Variants in CACNA1H observed in about 807,000 individuals in gnomAD.
The protein encoded by CACNA1H is voltage-dependent T-type calcium channel subunit alpha-1H.
CACNA1H carries 149 observed loss-of-function variants against 192.5 expected under a neutral mutation model. The ratio of observed to expected loss-of-function variants is 0.77; its 90% confidence interval spans 0.68 to 0.89. The LOEUF (loss-of-function observed/expected upper bound fraction) is 0.89. Ranked by LOEUF, CACNA1H falls within the 40% of genes least tolerant of loss-of-function variation. CACNA1H has a pLI of 0.00. For synonymous variants in CACNA1H, 2,202 were observed against 1,475.2 expected, an observed-to-expected ratio of 1.49 and a Z score of -11.29; for missense variants, 4,257 against 3,423.5, an observed-to-expected ratio of 1.24 and a Z score of -6.08.
rs370007023 is a variant in CACNA1H, at chr16:1,201,724, C to T, written c.1274C>T (p.Thr425Met). 6 of 1,610,512 alleles carry T rather than the reference C, an allele frequency of 3.7e-6. No homozygotes were observed. The highest frequency in any genetic ancestry group is 2.2e-5 in the East Asian group (1 of 44,814). The change falls in exon 9 of 35, where the codon ACG becomes ATG. Residue 425 changes from threonine to methionine, a missense_variant. Coordinates refer to ENST00000348261, the MANE Select transcript of CACNA1H (RefSeq NM_021098.3). ...GTGATTGCCACGCAGTTCTCGGAGA[C>T]GAAGCAGCGGGAGAGTCAGCTGATG... The part of the protein sequence containing the change: ...LVVIATQFSE[T>M]KQRESQLMRE...
rs557498031 is a variant in CACNA1H, at chr16:1,193,748, A to G, written c.300-1224A>G. The stretch of plus-strand genomic sequence containing the variant: ...GCCTGGAGCCGTGGCACTGGCATCA[A>G]ATGCTGACCTGCTAGGAGGCTGGGC... On this transcript the variant is annotated intron_variant, in intron 2 of 34. Coordinates refer to ENST00000348261, the MANE Select transcript of CACNA1H (RefSeq NM_021098.3). 5.3e-5 allele frequency among the ~76,000 whole-genome samples: 8 copies of G among 152,000 alleles called. No homozygotes were observed. In the East Asian group the frequency reaches 1.2e-3, roughly 22 times the overall value.
At chr16:1,190,609 G>T (rs1291765250) in intron 2 of CACNA1H, among the ~76,000 whole-genome samples, 1 of 152,226 alleles carries the variant, frequency 6.6e-6, no homozygotes, top group South Asian at 2.1e-4. Context: ...CGCGCAATAC[G>T]CCTGCCTGTC....
chr16:1,205,191 G>A lies in CACNA1H; in HGVS notation c.2529G>A (p.Lys843=). Residue 843 remains lysine, a synonymous_variant, in exon 11 of 35, where the codon AAG becomes AAA. Transcript: ENST00000348261. ...TSMFALEMLL[K]LLACGPLGYI... ...TGTTTGCCCTGGAGATGCTGCTGAA[G>A]CTGCTGGCCTGCGGCCCTCTGGGCT... 1 of 1,613,132 alleles carries A rather than the reference G, an allele frequency of 6.2e-7. No homozygotes were observed.
At chr16:1,213,570 C>T (rs1035444709) in intron 26 of CACNA1H, among the ~76,000 whole-genome samples, 1 of 152,084 alleles carries the variant, frequency 6.6e-6, no homozygotes, top group African/African-American at 2.4e-5. Flanking sequence ...CTGCATCTCA[C>T]CTAGAACAGG....
chr16:1,221,058 C>T lies in CACNA1H; in HGVS notation c.*64C>T. ...TCTGGGGGCCCCGCTGGGGTGGAGG[C>T]CCAGGCAGAACCCTGCATGGACCCT... On this transcript the variant is annotated 3_prime_UTR_variant, in exon 35 of 35. Transcript: ENST00000348261. The T allele has an allele frequency of 1.6e-6, 2 of 1,283,262 alleles. No individual in the cohort carries two copies. Among genetic ancestry groups the T allele is most frequent in the South Asian group, 3.0e-5 (2 of 66,428 alleles). The allele number at this position is 1,283,262 out of a possible 1,614,324, so 79.5% of individuals were successfully genotyped here.
Position 1,209,461 on chromosome 16 carries a change from G to T in CACNA1H, c.3744+49G>T, listed in dbSNP as rs537245126. ...CCGCCGACTCGCCTTCGTCTGTCTG[G>T]GGCAGGTTCCCTCAAGTGGGGTTTG... On this transcript the variant is annotated intron_variant, in intron 17 of 34. Coordinates refer to ENST00000348261, the MANE Select transcript of CACNA1H (RefSeq NM_021098.3). The T allele has an allele frequency of 3.5e-5, 56 of 1,580,880 alleles. No homozygotes were observed. The South Asian group carries it at 6.1e-4, about 17-fold the overall frequency.
In CACNA1H at chr16:1,210,421, G is replaced by C. The variant is rs1969296863; in HGVS notation, c.3897G>C (p.Val1299=). ...TCACACACAAGATGTTTGATCACGTGGTCCTCGTCTTCATCTTCCTCAACT... is the reference window on the plus strand; with the variant it reads ...TCACACACAAGATGTTTGATCACGTCGTCCTCGTCTTCATCTTCCTCAACT... ...KVITHKMFDH[V]VLVFIFLNCV... is the part of the protein sequence containing the mutation. Residue 1299 remains valine, a synonymous_variant, in exon 19 of 35, where the codon GTG becomes GTC. Transcript: ENST00000348261. 1.2e-6 allele frequency: 2 copies of C among 1,607,320 alleles called. No individual in the cohort carries two copies. Among genetic ancestry groups the C allele is most frequent in the Admixed American group, 1.7e-5 (1 of 59,308 alleles).
intron 2 of CACNA1H, among the ~76,000 whole-genome samples, chr16:1,169,978 A>G (rs1964200101): frequency 6.6e-6 from 1 of 152,182 alleles, no homozygotes; most frequent in East Asian, 1.9e-4. Context: ...GGGATCAAGG[A>G]TGTTTTAATT....
chr16:1,217,111 G>C (rs1970091248), intron 31 of CACNA1H, 101 bp downstream of exon 31: 1 of 1,064,088 alleles, frequency 9.4e-7, no homozygotes, highest in African/African-American at 1.6e-5. Flanking sequence ...AAATAGCGTG[G>C]GGCCTGATCA....
intron 17 of CACNA1H, 53 bp from the exon 18 acceptor site, chr16:1,209,982 G>C (rs1209362879): frequency 1.1e-5 from 15 of 1,382,098 alleles, no homozygotes; most frequent in Middle Eastern, 2.2e-4. Flanking sequence ...GGCCCTGATG[G>C]GGGGCCGGGC....
chr16:1,200,387 G>C lies in CACNA1H; in HGVS notation c.935G>C (p.Arg312Pro), dbSNP rs1208640164. The C allele has an allele frequency of 6.2e-7, 1 of 1,605,328 alleles. No homozygotes were observed. The highest frequency in any genetic ancestry group is 8.5e-7 in the Non-Finnish European group (1 of 1,177,162). ...CACATCCCCGGCCGCCGCGAGCTGCGCATGCCCTGCACCCTGGGCTGGGAG... is the reference window on the plus strand; with the variant it reads ...CACATCCCCGGCCGCCGCGAGCTGCCCATGCCCTGCACCCTGGGCTGGGAG... ...CSHIPGRREL[R>P]MPCTLGWEAY... is the part of the protein sequence containing the mutation. Residue 312 changes from arginine (R) to proline (P), a missense_variant, in exon 7 of 35, where the codon CGC becomes CCC. By Grantham distance (103) the Arg-to-Pro change is moderately radical (BLOSUM62 -2). Coordinates refer to ENST00000348261, the MANE Select transcript of CACNA1H (RefSeq NM_021098.3).
chr16:1,175,108 A>G (rs1304649220), intron 2 of CACNA1H, among the ~76,000 whole-genome samples: 1 of 152,018 alleles, frequency 6.6e-6, no homozygotes, highest in Non-Finnish European at 1.5e-5. Flanking sequence ...GTGAGGCCCC[A>G]CTGCGCGCGC....
At chr16:1,159,162 T>C (rs1962850282) in intron 2 of CACNA1H, among the ~76,000 whole-genome samples, 1 of 152,176 alleles carries the variant, frequency 6.6e-6, no homozygotes, top group Admixed American at 6.5e-5. Context: ...GACGTCTTCA[T>C]GGCCAGTTCC....
In CACNA1H at chr16:1,198,569, C is replaced by G. The variant is rs763021546; in HGVS notation, c.644-46C>G. ...GGGAGGGGCTGCAGCCCCGAGGACA[C>G]TCCTGCAGGGCTTAGCAGTGCCAAT... On this transcript the variant is annotated intron_variant, in intron 5 of 34. Transcript: ENST00000348261. 7 of 1,604,216 alleles carry G rather than the reference C, an allele frequency of 4.4e-6. No individual in the cohort carries two copies. The African/African-American group carries it at 9.4e-5, about 21-fold the overall frequency.
chr16:1,207,906 G>A (rs763533172), intron 15 of CACNA1H, 46 bp downstream of exon 15: 27 of 1,547,208 alleles, frequency 1.7e-5, no homozygotes, highest in East Asian at 1.5e-4. Flanking sequence ...GGTGGAGTAC[G>A]CTGGGCTGGC....
In CACNA1H at chr16:1,212,044, C is replaced by T. The variant is rs752944065; in HGVS notation, c.4665C>T (p.Val1555=). The T allele has an allele frequency of 2.7e-5, 43 of 1,613,128 alleles. No homozygotes were observed. The highest frequency in any genetic ancestry group is 1.7e-4 in the Middle Eastern group (1 of 5,924). ...FVLNMFVGVV[V]ENFHKCRQHQ... is the part of the protein sequence containing the mutation. ...TCAACATGTTCGTGGGCGTCGTGGT[C>T]GAGAACTTCCACAAGTGCCGGCAGC... The change falls in exon 25 of 35, where the codon GTC becomes GTT. Residue 1555 remains valine (V), a synonymous_variant. Coordinates refer to ENST00000348261, the MANE Select transcript of CACNA1H (RefSeq NM_021098.3).
In CACNA1H at chr16:1,210,908, G is replaced by A. The variant is rs1376864326; in HGVS notation, c.4160G>A (p.Gly1387Asp). 6.2e-7 allele frequency: 1 copy of A among 1,603,938 alleles called. No homozygotes were observed. The highest frequency in any genetic ancestry group is 8.5e-7 in the Non-Finnish European group (1 of 1,179,706). Residue 1387 changes from glycine (G) to aspartate (D), a missense_variant, in exon 21 of 35, where the codon GGT becomes GAT. Coordinates refer to ENST00000348261, the MANE Select transcript of CACNA1H (RefSeq NM_021098.3). The stretch of plus-strand genomic sequence containing the variant: ...ATTGTCGTGGCCATGGCCTCGGCTG[G>A]TGGCGCCAAGATCCTGGGTGTTCTG... ...VDIVVAMASA[G>D]GAKILGVLRV...
At chr16:1,204,875 C>T (rs1182468845) in intron 10 of CACNA1H, among the ~76,000 whole-genome samples, 11 of 86,568 alleles carry the variant, frequency 1.3e-4, no homozygotes, top group African/African-American at 5.1e-4. Context: ...GGTGGGGGCC[C>T]AGATCAGTGC....
In CACNA1H at chr16:1,218,254, C is replaced by T. The variant is rs776339332; in HGVS notation, c.5490C>T (p.Ser1830=). The T allele has an allele frequency of 1.9e-6, 3 of 1,550,882 alleles. No individual in the cohort carries two copies. The Admixed American group carries it at 5.9e-5, about 30-fold the overall frequency. ...CCCGTGAGGACAAGCACTGCCTGAGCTACCTGCCGGCCCTGTCGCCCGTCT... is the reference window on the plus strand; with the variant it reads ...CCCGTGAGGACAAGCACTGCCTGAGTTACCTGCCGGCCCTGTCGCCCGTCT... ...ECSREDKHCL[S]YLPALSPVYF... The change falls in exon 33 of 35, where the codon AGC becomes AGT. Residue 1830 remains serine (S), a synonymous_variant. Transcript: ENST00000348261.
Sources: allele counts gnomAD v4.1 joint callset (sites outside exome capture counted in the v4.1 genomes callset), GRCh38; gene constraint gnomAD v4.1.1; transcripts MANE v1.5; gene names NCBI Gene and HGNC (gene_info 2026-07-23, HGNC 2026-07-21).